The following RIIAD1 variants were observed in gnomAD, a reference collection of about 807,000 sequenced individuals.
The protein encoded by RIIAD1 is RIIa domain-containing protein 1.
Under a neutral mutation model 13.3 loss-of-function variants are expected in RIIAD1, and 15 were observed. The ratio of observed to expected loss-of-function variants is 1.13; its 90% confidence interval spans 0.76 to 1.74. The LOEUF is 1.74. RIIAD1 is among the 40% of genes most tolerant of loss of function. The probability of loss-of-function intolerance (pLI) is 0.00; values close to 1 mark genes in which losing one functional copy is unlikely to be tolerated. For missense variants in RIIAD1, 121 were observed against 112.2 expected (o/e 1.08, Z -0.35); for synonymous variants, 50 against 43.3 (o/e 1.16, Z -0.61).
intron 2 of RIIAD1, among the ~76,000 whole-genome samples, chr1:151,724,495 C>CAGGA (rs1305309161): frequency 1.0e-3 from 152 of 152,318 alleles, no homozygotes; most frequent in African/African-American, 3.6e-3. Context: ...GTCCTGAGCA[C>CAGGA]CGTGCCTGTC....
chr1:151,715,726 T>C, intron 4 of RIIAD1: 2 of 1,575,584 alleles, frequency 1.3e-6, no homozygotes, highest in Non-Finnish European at 8.6e-7. Flanking sequence ...AGCTGAGTTC[T>C]TTTTCAGCTC....
chr1:151,719,738 A>G, upstream of RIIAD1: 5 of 658,844 alleles, frequency 7.6e-6, no homozygotes, highest in Non-Finnish European at 1.4e-5. Context: ...GACGCTGTTA[A>G]AAAAACAAAA....
rs952904210 is a variant in RIIAD1, at chr1:151,715,117, C to T, written c.21+588C>T. Among the ~76,000 whole-genome samples, 6 of 151,900 alleles carry T rather than the reference C, an allele frequency of 3.9e-5. No homozygotes were observed. The East Asian group carries it at 5.8e-4, about 15-fold the overall frequency. On this transcript the variant is annotated intron_variant, in intron 4 of 8. Transcript: ENST00000326413. ...ACCTCCACCATAGGCAGGTGGAGGA[C>T]GGAGAGTGAAATAGAGAAGGGAAGG...
At chr1:151,721,066 C>G (rs1673725468), upstream of RIIAD1, among the ~76,000 whole-genome samples, 1 of 152,194 alleles carries the variant, frequency 6.6e-6, no homozygotes, top group Non-Finnish European at 1.5e-5. Flanking sequence ...TCAGCTCACT[C>G]TATGTTCTGG....
At chr1:151,716,818 C>T (rs928801789), upstream of RIIAD1, 3 of 466,958 alleles carry the variant, frequency 6.4e-6, no homozygotes, top group South Asian at 3.1e-5. Context: ...CCCTCCACAC[C>T]CCCCTCCCCA....
At chr1:151,717,732 CTTCT>C (rs1487380875), upstream of RIIAD1, among the ~76,000 whole-genome samples, 1 of 152,234 alleles carries the variant, frequency 6.6e-6, no homozygotes, top group Admixed American at 6.5e-5. Context: ...CTTTCCTTTG[CTTCT>C]TTCTTCAGTT....
chr1:151,721,701 C>T, intron 1 of RIIAD1, 81 bp downstream of exon 1: 2 of 802,880 alleles, frequency 2.5e-6, no homozygotes, highest in South Asian at 3.5e-5. Context: ...GGAAGAGAGC[C>T]GCCGAGAGAA....
rs571067250 is a variant in RIIAD1 at position 151,721,969 on chromosome 1, T to A, written c.85-117T>A. ...GATGGGTGGCTTAAACTTTCAAGCA[T>A]CCTGGGGAAAGACTTGGGTTAAATG... On this transcript the variant is annotated intron_variant, in intron 1 of 4. Coordinates refer to ENST00000479191, the MANE Select transcript of RIIAD1 (RefSeq NM_001144956.3). 104 of 716,878 alleles carry A rather than the reference T, an allele frequency of 1.5e-4. No homozygotes were observed. The South Asian group carries it at 1.7e-3, about 12-fold the overall frequency. The allele number at this position is 716,878 out of a possible 1,614,324, so 44.4% of individuals were successfully genotyped here. A position where few individuals can be genotyped will look rare whatever the true frequency, so the allele number is the denominator to read the frequency against.
At chr1:151,719,063 C>T (rs1394590753), upstream of RIIAD1, among the ~76,000 whole-genome samples, 1 of 152,188 alleles carries the variant, frequency 6.6e-6, no homozygotes, top group Admixed American at 6.5e-5. Context: ...TCCCCTCACT[C>T]CTCCTCCCAG....
chr1:151,722,121 G>A lies in RIIAD1; in HGVS notation c.120G>A (p.Arg40=), dbSNP rs1558118573. 6.4e-7 allele frequency: 1 copy of A among 1,551,388 alleles called. No homozygotes were observed. The highest frequency in any genetic ancestry group is 2.0e-5 in the Admixed American group (1 of 50,990). Residue 40 remains arginine (R), a synonymous_variant, in exon 2 of 5, where the codon AGG becomes AGA. Transcript: ENST00000479191. Reference sequence around the variant, plus strand: ...GGATTGCTAACGAAAAGTACCTAAGGACCCACAAAGAAGTAGAGTGGCTCA... The same window carrying A: ...GGATTGCTAACGAAAAGTACCTAAGAACCCACAAAGAAGTAGAGTGGCTCA... ...QTRIANEKYL[R]THKEVEWLIS...
rs190346184 is a variant in RIIAD1 at position 151,712,500 on chromosome 1, A to C, written c.-186+503A>C. Among the ~76,000 whole-genome samples the C allele has an allele frequency of 5.9e-5, 9 of 152,304 alleles. No homozygotes were observed. The East Asian group carries it at 1.7e-3, about 29-fold the overall frequency. ...CTTCCTGACTGCAGACCGACAGGGA[A>C]GGCCCATGTCCCCCAAGTGGGATTT... On this transcript the variant is annotated intron_variant, in intron 2 of 8. Transcript: ENST00000326413.
chr1:151,727,729 T>C, intron 3 of RIIAD1, 108 bp downstream of exon 3: 1 of 749,056 alleles, frequency 1.3e-6, no homozygotes, highest in Non-Finnish European at 2.3e-6. Context: ...TCTGGGGTAC[T>C]CCTTCACCTG....
chr1:151,727,621 G>A lies in RIIAD1; in HGVS notation c.208G>A (p.Asp70Asn), dbSNP rs1326996295. The A allele has an allele frequency of 3.9e-6, 6 of 1,547,578 alleles. No individual in the cohort carries two copies. The East Asian group carries it at 1.2e-4, about 32-fold the overall frequency. The change falls in exon 3 of 5, where the codon GAC (aspartate) becomes AAC (asparagine). Residue 70 changes from aspartate to asparagine, a missense_variant and splice_region_variant. Physicochemically the swap from Asp to Asn is conservative, Grantham distance 23. Coordinates refer to ENST00000479191, the MANE Select transcript of RIIAD1 (RefSeq NM_001144956.3). ...RPDNILEFAA[D>N]YFTDPRLPNK... ...AGACAACATCCTAGAATTTGCTGCA[G>A]GTGAGTAAGGCAGCGTCGGTTTTGG...
exon 4 of RIIAD1, chr1:151,714,474 G>T: frequency 1.3e-6 from 1 of 755,216 alleles, no homozygotes; most frequent in African/African-American, 1.7e-5. Context: ...CAGAGAGAGA[G>T]GGGGACTTCC....
Position 151,728,826 on chromosome 1 carries a change from A to C in RIIAD1, c.269A>C (p.Lys90Thr). The change falls in exon 4 of 5, where the codon AAA becomes ACA. Residue 90 changes from lysine to threonine, a missense_variant. Physicochemically the swap from Lys to Thr is moderately conservative, Grantham distance 78 (BLOSUM62 -1). Transcript: ENST00000479191. ...CACATGCAGCTAATTAAAGACAAGA[A>C]AGCGGCTTAATTAGCAAAATCATGA... ...KIHMQLIKDKKAA is the reference protein window; with the variant it reads ...KIHMQLIKDKTAA 6.5e-7 allele frequency: 1 copy of C among 1,538,400 alleles called. No homozygotes were observed. Among genetic ancestry groups the C allele is most frequent in the Non-Finnish European group, 8.8e-7 (1 of 1,135,036 alleles).
chr1:151,717,624 C>T (rs1571945251), upstream of RIIAD1, among the ~76,000 whole-genome samples: 1 of 152,186 alleles, frequency 6.6e-6, no homozygotes, highest in East Asian at 1.9e-4. Context: ...ACAAACACTC[C>T]ATGCAAACAA....
upstream of RIIAD1, among the ~76,000 whole-genome samples, chr1:151,718,415 C>T (rs1420202309): frequency 2.6e-5 from 4 of 152,210 alleles, no homozygotes; most frequent in African/African-American, 7.2e-5. Context: ...CCTGAGTCCA[C>T]GCATTTAACT....
At chr1:151,728,546 G>T (rs1271148713) in intron 3 of RIIAD1, 1 of 527,506 alleles carries the variant, frequency 1.9e-6, no homozygotes, top group Admixed American at 3.2e-5. Flanking sequence ...GCCTCTGGGA[G>T]CCCTTCCTGG....
chr1:151,727,748 A>G, intron 3 of RIIAD1, 127 bp downstream of exon 3: 1 of 654,940 alleles, frequency 1.5e-6, no homozygotes, highest in Non-Finnish European at 2.7e-6. Context: ...TGATGTCCCC[A>G]AAGGGAGCTT....
Sources: allele counts gnomAD v4.1 joint callset (sites outside exome capture counted in the v4.1 genomes callset), GRCh38; gene constraint gnomAD v4.1.1; transcripts MANE v1.5; gene names NCBI Gene and HGNC (gene_info 2026-07-23, HGNC 2026-07-21).